OFD1: variants seen among roughly 807,000 people sequenced by gnomAD.
OFD1 encodes centriole and centriolar satellite protein OFD1.
A neutral mutation model predicts 81.4 loss-of-function variants in OFD1; 12 were observed. The observed-to-expected ratio is 0.15, with a 90% CI of 0.09 to 0.24. The LOEUF (loss-of-function observed/expected upper bound fraction) is 0.24, where lower values mean the gene tolerates loss of function less well. OFD1 is among the 10% of genes least tolerant of loss of function. The pLI is 1.00. For synonymous variants in OFD1, 256 were observed against 263.7 expected (o/e 0.97, Z 0.28); for missense variants, 685 against 733.9 (o/e 0.93, Z 0.77).
At chrX:13,726,013 T>C in the OFD1 span, among the ~76,000 whole-genome samples, 1,687 of 111,588 alleles carry the variant, frequency 0.015, 32 homozygotes, top group African/African-American at 0.048. Flanking sequence ...GTATCAGTGA[T>C]TGAAGATCAA....
intron 5 of OFD1, among the ~76,000 whole-genome samples, chrX:13,740,981 C>CA (rs2047073460): frequency 9.3e-6 from 1 of 107,274 alleles, no homozygotes; most frequent in South Asian, 4.0e-4. Context: ...TACTAAAATA[C>CA]AAAAAAAAGT....
chrX:13,731,494 GA>G (rs2046676211), upstream of OFD1, among the ~76,000 whole-genome samples: 1 of 112,304 alleles, frequency 8.9e-6, no homozygotes, highest in African/African-American at 3.2e-5. Context: ...TAGGTAAACA[GA>G]AAGTCATTTT....
chrX:13,720,344 G>A, the OFD1 span: 1 of 120,080 alleles, frequency 8.3e-6, no homozygotes, highest in Non-Finnish European at 1.7e-5. Context: ...GTTAGTAGCA[G>A]CACGGACACC....
Position 13,749,039 on chromosome X carries a change from T to C in OFD1, c.829-388T>C, listed in dbSNP as rs1237714422. Among the ~76,000 whole-genome samples, 3 of 107,630 alleles carry C rather than the reference T, an allele frequency of 2.8e-5. No homozygotes were observed. In the East Asian group the frequency reaches 8.8e-4, roughly 31 times the overall value. 93.5% of individuals were successfully genotyped at this position (107,630 alleles called of 115,157 possible). A position where few individuals can be genotyped will look rare whatever the true frequency, so the allele number is the denominator to read the frequency against. On this transcript the variant is annotated intron_variant, in intron 8 of 22. Transcript: ENST00000340096. The stretch of plus-strand genomic sequence containing the variant: ...CGGTAGGCTGGGGTGGGAGGACCCC[T>C]TGAGCTTGGGAGGTGGAGGTTGCAG...
chrX:13,758,229 G>T (rs1187276184), intron 14 of OFD1, 108 bp from the exon 15 acceptor site: 4 of 540,845 alleles, frequency 7.4e-6, no homozygotes, highest in Non-Finnish European at 1.3e-5. Flanking sequence ...AAGCTTCTTG[G>T]AATTGGCAGA....
downstream of OFD1, chrX:13,771,387 T>TA (rs36124011): frequency 1.5e-3 from 148 of 100,900 alleles, no homozygotes; most frequent in Middle Eastern, 0.01. Context: ...TCTCTTAATT[T>TA]AAAAAAAAAA....
At chrX:13,735,743 T>C (rs12012058) in intron 2 of OFD1, among the ~76,000 whole-genome samples, 2,484 of 112,294 alleles carry the variant, frequency 0.022, 59 homozygotes, top group African/African-American at 0.065. Flanking sequence ...AGTGTACTGC[T>C]TAATAATAGT....
Position 13,760,555 on chromosome X carries a change from T to C in OFD1, c.2095T>C (p.Ser699Pro), listed in dbSNP as rs1460152351. ...RHIFGEDRVV[S>P]EQPQVGTLEE... Reference sequence around the variant, plus strand: ...TATTTTTGGAGAGGACAGAGTTGTCTCTGAGCAGCCTCAAGTGGGCACACT... The same window carrying C: ...TATTTTTGGAGAGGACAGAGTTGTCCCTGAGCAGCCTCAAGTGGGCACACT... Residue 699 changes from serine (S) to proline (P), a missense_variant, in exon 16 of 23, where the codon TCT (serine) becomes CCT (proline). Transcript: ENST00000340096. The C allele has an allele frequency of 8.4e-7, 1 of 1,196,123 alleles. No individual in the cohort carries two copies. The highest frequency in any genetic ancestry group is 3.0e-5 in the East Asian group (1 of 33,727).
the OFD1 span, among the ~76,000 whole-genome samples, chrX:13,716,999 TA>T: frequency 1.2e-5 from 1 of 86,757 alleles, no homozygotes; most frequent in African/African-American, 4.5e-5. Flanking sequence ...CCGAATTCTG[TA>T]ACCATCTAAA....
chrX:13,732,661 C>T (rs1014461804), upstream of OFD1, among the ~76,000 whole-genome samples: 10 of 112,831 alleles, frequency 8.9e-5, no homozygotes, highest in Non-Finnish European at 3.8e-5. Flanking sequence ...AAGCCCAGGG[C>T]TGCTCATTTG....
At chrX:13,753,762 G>A (rs762317747) in intron 11 of OFD1, among the ~76,000 whole-genome samples, 3 of 109,927 alleles carry the variant, frequency 2.7e-5, no homozygotes, top group Non-Finnish European at 3.8e-5. Context: ...TGTCAAGTAC[G>A]TATTACTCCT....
At chrX:13,740,180 G>A (rs1422555499) in intron 5 of OFD1, 8 of 963,895 alleles carry the variant, frequency 8.3e-6, no homozygotes, top group Admixed American at 3.1e-5. Context: ...TGGACTGCCC[G>A]CAAACTAGAC....
upstream of OFD1, chrX:13,733,980 G>T (rs2046744970): frequency 2.0e-6 from 1 of 507,817 alleles, no homozygotes; most frequent in Admixed American, 2.7e-5. Context: ...TTTCATTATC[G>T]CTTCTGAGAG....
Position 13,762,360 on chromosome X carries a change from A to T in OFD1, c.2404A>T (p.Thr802Ser), listed in dbSNP as rs1339752005. ...CCAATCTAGTCTTTATCGAAGACAA[A>T]CTGAACTTCAAGACAAAAGTGAATT... Reference protein sequence around the residue: ...EQKVGLYRRQTELQDKSEFSD... With the variant: ...EQKVGLYRRQSELQDKSEFSD... The change falls in exon 18 of 23, where the codon ACT becomes TCT. Residue 802 changes from threonine (T) to serine (S), a missense_variant. This residue lies in a region of OFD1 where 259 missense variants were observed against 254.4 expected (regional missense o/e 1.02). Coordinates refer to ENST00000340096, the MANE Select transcript of OFD1 (RefSeq NM_003611.3). The T allele has an allele frequency of 8.4e-7, 1 of 1,191,093 alleles. No individual in the cohort carries two copies. The highest frequency in any genetic ancestry group is 1.1e-6 in the Non-Finnish European group (1 of 877,817).
Position 13,768,861 on chromosome X carries a change from TGA to T in OFD1, c.2996+79_2996+80del. 3 of 904,393 alleles carry T rather than the reference TGA, an allele frequency of 3.3e-6. No individual in the cohort carries two copies. The East Asian group carries it at 9.2e-5, about 28-fold the overall frequency. The allele number at this position is 904,393 out of a possible 1,213,427, so 74.5% of individuals were successfully genotyped here. On this transcript the variant is annotated intron_variant, in intron 22 of 22. Coordinates refer to ENST00000340096, the MANE Select transcript of OFD1 (RefSeq NM_003611.3). ...TTGTCAGCCAAGAGAAACAGATGTT[TGA>T]GATTGCCTGTAAGAAGTTATTGAAT...
rs773968269 is a variant in OFD1 at position 13,746,857 on chromosome X, G to A, written c.732G>A (p.Met244Ile). Residue 244 changes from methionine (M) to isoleucine (I), a missense_variant, in exon 8 of 23, where the codon ATG (methionine) becomes ATA (isoleucine). Coordinates refer to ENST00000340096, the MANE Select transcript of OFD1 (RefSeq NM_003611.3). ...AAAAGTATGAAAAGGAGTTAACCAT[G>A]TTCCAGAATGATTTTGAAAAAGCTT... ...AKKKYEKELT[M>I]FQNDFEKACQ... is the part of the protein sequence containing the mutation. The A allele has an allele frequency of 1.7e-6, 2 of 1,207,735 alleles. No homozygotes were observed. Among genetic ancestry groups the A allele is most frequent in the East Asian group, 3.0e-5 (1 of 33,853 alleles).
chrX:13,767,425 C>T (rs990048438), intron 20 of OFD1, 141 bp downstream of exon 20: 13 of 586,240 alleles, frequency 2.2e-5, no homozygotes, highest in East Asian at 1.6e-4. Flanking sequence ...CTGTCCTCTC[C>T]TTGTCTTAAA....
chrX:13,751,512 C>G, intron 10 of OFD1, 144 bp downstream of exon 10: 1 of 498,876 alleles, frequency 2.0e-6, no homozygotes, highest in Non-Finnish European at 3.3e-6. Flanking sequence ...ACAGTCAATC[C>G]TTTCCTGCAT....
chrX:13,736,379 A>G, intron 2 of OFD1, 99 bp from the exon 3 acceptor site: 1 of 1,095,595 alleles, frequency 9.1e-7, no homozygotes, highest in South Asian at 1.9e-5. Flanking sequence ...AAGGTTTCCA[A>G]TGAATGTAGC....
Sources: allele counts gnomAD v4.1 joint callset (sites outside exome capture counted in the v4.1 genomes callset), GRCh38; gene constraint gnomAD v4.1.1; regional missense constraint gnomAD v4.1.1; transcripts MANE v1.5; gene names NCBI Gene and HGNC (gene_info 2026-07-23, HGNC 2026-07-21).